EBF2: variants seen among roughly 807,000 people sequenced by gnomAD.
The protein encoded by EBF2 is EBF transcription factor 2.
In EBF2, 21 loss-of-function variants were observed where a neutral mutation model predicts 72.8. The observed-to-expected ratio is 0.29, with a 90% confidence interval of 0.20 to 0.42. The LOEUF (loss-of-function observed/expected upper bound fraction) is 0.42. EBF2 is among the 10% of genes least tolerant of loss of function. The pLI is 1.00. For synonymous variants in EBF2, 299 were observed against 274.2 expected (o/e 1.09, Z -0.89); for missense variants, 637 against 731.2 (o/e 0.87, Z 1.49).
At chr8:26,020,279 A>G (rs1307093139) in intron 6 of EBF2, among the ~76,000 whole-genome samples, 2 of 152,188 alleles carry the variant, frequency 1.3e-5, no homozygotes, top group African/African-American at 2.4e-5. Flanking sequence ...CTTTATGAAC[A>G]ATAAAATCCC....
intron 5 of EBF2, among the ~76,000 whole-genome samples, chr8:26,037,243 A>G (rs1343363686): frequency 1.3e-5 from 2 of 152,190 alleles, no homozygotes; most frequent in Non-Finnish European, 2.9e-5. Context: ...TTTTTTAGAA[A>G]GGGAAAAAGA....
At chr8:25,991,357 C>A (rs1327560985) in intron 6 of EBF2, among the ~76,000 whole-genome samples, 1 of 152,194 alleles carries the variant, frequency 6.6e-6, no homozygotes, top group African/African-American at 2.4e-5. Context: ...AGCCTTTGTG[C>A]CTATTCTGTC....
chr8:25,863,677 T>A (rs1053225823), intron 10 of EBF2, among the ~76,000 whole-genome samples: 2 of 152,066 alleles, frequency 1.3e-5, no homozygotes, highest in East Asian at 3.8e-4. Context: ...TAATGTCTAT[T>A]TCCTCTTTAA....
rs972084862 is a variant in EBF2, at chr8:25,942,280, T to A, written c.552-33725A>T. On this transcript the variant is annotated intron_variant, in intron 6 of 15. Coordinates refer to ENST00000520164, the MANE Select transcript of EBF2 (RefSeq NM_022659.4). ...TATTGGTACAAATGTATGGAGTACA[T>A]GTGCAATTCTATCAGATGTACATAA... 6.6e-5 allele frequency among the ~76,000 whole-genome samples: 10 copies of A among 152,380 alleles called. No homozygotes were observed. In the East Asian group the frequency reaches 1.7e-3, roughly 26 times the overall value.
intron 6 of EBF2, among the ~76,000 whole-genome samples, chr8:25,922,271 A>C (rs114011207): frequency 1.2e-4 from 19 of 152,252 alleles, no homozygotes; most frequent in South Asian, 4.1e-4. Context: ...AACAAACAAA[A>C]AAAACACCTG....
chr8:25,975,207 G>A (rs1804249621), intron 6 of EBF2, among the ~76,000 whole-genome samples: 1 of 152,122 alleles, frequency 6.6e-6, no homozygotes, highest in African/African-American at 2.4e-5. Context: ...GCTCAGCCCG[G>A]GTGAGCAGGG....
In EBF2 at chr8:25,861,162, C is replaced by T. The variant is rs1475580912; in HGVS notation, c.1229G>A (p.Ser410Asn). The T allele has an allele frequency of 3.7e-6, 6 of 1,614,102 alleles. No homozygotes were observed. The highest frequency in any genetic ancestry group is 1.3e-5 in the African/African-American group (1 of 75,042). Reference protein sequence around the residue: ...EALYSVPRNPSQLPALSSSPA... With the variant: ...EALYSVPRNPNQLPALSSSPA... ...GGAGCTAGAGAGGGCTGGAAGCTGGCTGGGATTCCTGGGGACGCTGTAGAG... is the reference window on the plus strand; with the variant it reads ...GGAGCTAGAGAGGGCTGGAAGCTGGTTGGGATTCCTGGGGACGCTGTAGAG... Residue 410 changes from serine (S) to asparagine (N), a missense_variant, in exon 13 of 16, where the codon AGC (serine) becomes AAC (asparagine). By Grantham distance (46) the Ser-to-Asn change is conservative. Coordinates refer to ENST00000520164, the MANE Select transcript of EBF2 (RefSeq NM_022659.4).
chr8:26,035,360 G>A (rs1805483082), intron 5 of EBF2, among the ~76,000 whole-genome samples: 1 of 152,054 alleles, frequency 6.6e-6, no homozygotes, highest in African/African-American at 2.4e-5. Flanking sequence ...GTGTTGCCCA[G>A]GCTGATCTCG....
chr8:26,026,840 G>A (rs772335776), intron 6 of EBF2, among the ~76,000 whole-genome samples: 30 of 152,112 alleles, frequency 2.0e-4, no homozygotes, highest in Non-Finnish European at 4.3e-4. Context: ...AGTTTCACAA[G>A]CAAACTGGCT....
At chr8:26,039,533 C>T (rs191798586) in intron 5 of EBF2, among the ~76,000 whole-genome samples, 5 of 152,318 alleles carry the variant, frequency 3.3e-5, no homozygotes. Flanking sequence ...GAAGAAACGC[C>T]CACGCATCAC....
intron 6 of EBF2, among the ~76,000 whole-genome samples, chr8:25,959,273 C>T (rs1204518249): frequency 6.6e-6 from 1 of 152,202 alleles, no homozygotes; most frequent in Non-Finnish European, 1.5e-5. Flanking sequence ...GGCGTGATCT[C>T]AGCTCACTGC....
intron 6 of EBF2, among the ~76,000 whole-genome samples, chr8:25,943,030 A>G (rs951083901): frequency 1.3e-5 from 2 of 152,190 alleles, no homozygotes; most frequent in Non-Finnish European, 2.9e-5. Flanking sequence ...GAAAGTTCCC[A>G]GGGCTCTTCT....
At chr8:25,980,132 C>G (rs956103013) in intron 6 of EBF2, among the ~76,000 whole-genome samples, 5 of 152,220 alleles carry the variant, frequency 3.3e-5, no homozygotes, top group Non-Finnish European at 5.9e-5. Flanking sequence ...GTGCTACCCC[C>G]TCAGACCACC....
Position 26,041,414 on chromosome 8 carries a change from C to T in EBF2, c.289-412G>A, listed in dbSNP as rs544377433. ...TTGGAAAGGCAGCATTCGGGCCTAT[C>T]CCGCGAGGACTGCGCACGCAGGGCC... On this transcript the variant is annotated intron_variant, in intron 2 of 15. Transcript: ENST00000520164. 2.8e-3 allele frequency: 596 copies of T among 215,768 alleles called. 3 individuals are homozygous for T. Among genetic ancestry groups the T allele is most frequent in the African/African-American group, 0.013 (573 of 43,600 alleles). The allele number at this position is 215,768 out of a possible 1,614,324, so 13.4% of individuals were successfully genotyped here.
chr8:25,965,895 G>A (rs1804107432), intron 6 of EBF2, among the ~76,000 whole-genome samples: 1 of 152,246 alleles, frequency 6.6e-6, no homozygotes, highest in Non-Finnish European at 1.5e-5. Context: ...CAGCAAAGCT[G>A]CAATTTCCTC....
At chr8:25,952,798 A>G (rs1803885219) in intron 6 of EBF2, among the ~76,000 whole-genome samples, 1 of 152,214 alleles carries the variant, frequency 6.6e-6, no homozygotes, top group Admixed American at 6.5e-5. Flanking sequence ...TTTTCTTAGT[A>G]TCTATTGTAC....
chr8:25,957,981 G>A (rs1338718722), intron 6 of EBF2, among the ~76,000 whole-genome samples: 1 of 152,210 alleles, frequency 6.6e-6, no homozygotes, highest in Non-Finnish European at 1.5e-5. Context: ...CAGGCAGAAC[G>A]CAAAAGGCAA....
chr8:25,863,895 C>T (rs926178995), intron 10 of EBF2, among the ~76,000 whole-genome samples: 1 of 152,140 alleles, frequency 6.6e-6, no homozygotes, highest in Non-Finnish European at 1.5e-5. Context: ...CACACTGTTA[C>T]ATAACCTACT....
intron 6 of EBF2, 25 bp from the exon 7 acceptor site, chr8:25,908,580 C>CA (rs765856829): frequency 9.2e-6 from 13 of 1,409,696 alleles, no homozygotes; most frequent in Non-Finnish European, 1.3e-5. Flanking sequence ...CGATGTGTTA[C>CA]ATTTTTCAGT....
Sources: allele counts gnomAD v4.1 joint callset (sites outside exome capture counted in the v4.1 genomes callset), GRCh38; gene constraint gnomAD v4.1.1; transcripts MANE v1.5; gene names NCBI Gene and HGNC (gene_info 2026-07-23, HGNC 2026-07-21).